Variants in SNX24 observed in about 807,000 individuals in gnomAD.
SNX24 encodes the protein sorting nexin 24.
SNX24 carries 22 observed loss-of-function variants against 28.7 expected under a neutral mutation model. The ratio of observed to expected loss-of-function variants is 0.77; its 90% CI spans 0.55 to 1.10. The LOEUF (loss-of-function observed/expected upper bound fraction) is 1.10. SNX24 is among the 50% of genes least tolerant of loss of function. SNX24 has a pLI of 0.00. For missense variants in SNX24, 221 were observed against 201.1 expected (o/e 1.10, Z -0.60); for synonymous variants, 69 against 71.5 (o/e 0.96, Z 0.18).
chr5:123,005,798 T>A (rs1762403146), intron 6 of SNX24, among the ~76,000 whole-genome samples: 1 of 152,202 alleles, frequency 6.6e-6, no homozygotes, highest in Non-Finnish European at 1.5e-5. Context: ...TTAGCTAAAT[T>A]ATTGTTTTTT....
rs145075558 is a variant in SNX24 at position 122,854,211 on chromosome 5, A to G, written c.60+8518A>G. Among the ~76,000 whole-genome samples, 916 of 152,290 alleles carry G rather than the reference A, an allele frequency of 6.0e-3. 12 individuals carry two copies. The highest frequency in any genetic ancestry group is 0.021 in the African/African-American group (865 of 41,564). On this transcript the variant is annotated intron_variant, in intron 1 of 6. Transcript: ENST00000261369. Reference sequence around the variant, plus strand: ...TTATGGGATCAAAAGATGCATATAAAAATAATCATAGTGTAGGCCGGGTGC... The same window carrying G: ...TTATGGGATCAAAAGATGCATATAAGAATAATCATAGTGTAGGCCGGGTGC...
intron 5 of SNX24, chr5:123,029,216 A>G (rs755005724): frequency 6.2e-7 from 1 of 1,604,658 alleles, no homozygotes; most frequent in South Asian, 1.1e-5. Context: ...CTGACATACT[A>G]ATTTAATACT....
At chr5:122,964,435 T>C (rs1490910812) in intron 3 of SNX24, among the ~76,000 whole-genome samples, 6 of 152,002 alleles carry the variant, frequency 3.9e-5, no homozygotes, top group Non-Finnish European at 5.9e-5. Flanking sequence ...AGCTCCTAAC[T>C]AATAAATATT....
intron 3 of SNX24, among the ~76,000 whole-genome samples, chr5:122,949,991 A>C (rs762320133): frequency 6.6e-6 from 1 of 152,200 alleles, no homozygotes; most frequent in Non-Finnish European, 1.5e-5. Context: ...TGTTTATTGA[A>C]TAAGAAATCA....
At chr5:122,855,523 G>A (rs1483729209) in intron 1 of SNX24, among the ~76,000 whole-genome samples, 1 of 152,186 alleles carries the variant, frequency 6.6e-6, no homozygotes, top group Non-Finnish European at 1.5e-5. Flanking sequence ...GCTCTAACTT[G>A]TAATCCTAGC....
chr5:123,000,426 A>G (rs1247595200), intron 4 of SNX24, among the ~76,000 whole-genome samples: 1 of 152,230 alleles, frequency 6.6e-6, no homozygotes, highest in Non-Finnish European at 1.5e-5. Flanking sequence ...AACTCCTCTC[A>G]TTTTGTAGTT....
chr5:122,985,517 G>C (rs140962857), intron 3 of SNX24, among the ~76,000 whole-genome samples: 1 of 152,178 alleles, frequency 6.6e-6, no homozygotes, highest in Non-Finnish European at 1.5e-5. Context: ...CTACCTCAAA[G>C]GTAGTTGAGA....
At chr5:122,890,472 T>A (rs1756921376) in intron 1 of SNX24, among the ~76,000 whole-genome samples, 1 of 9,378 alleles carries the variant, frequency 1.1e-4, no homozygotes, top group Non-Finnish European at 1.4e-4. Context: ...TTAGAGGGGA[T>A]TTTTTTTTTT....
At chr5:122,921,603 A>G (rs1336916883) in intron 1 of SNX24, among the ~76,000 whole-genome samples, 1 of 144,348 alleles carries the variant, frequency 6.9e-6, no homozygotes, top group African/African-American at 2.6e-5. Flanking sequence ...TTGAAAGTCT[A>G]ATACATGAAA....
chr5:122,941,695 A>G (rs1057172666), intron 2 of SNX24, among the ~76,000 whole-genome samples: 1 of 152,198 alleles, frequency 6.6e-6, no homozygotes, highest in Non-Finnish European at 1.5e-5. Context: ...TAGAGTGTCT[A>G]GTAGAGTCTT....
intron 1 of SNX24, among the ~76,000 whole-genome samples, chr5:122,880,589 G>A (rs1441130895): frequency 6.6e-6 from 1 of 152,090 alleles, no homozygotes; most frequent in Non-Finnish European, 1.5e-5. Flanking sequence ...AGTGGAAAAT[G>A]GACCTGATAA....
chr5:123,007,761 G>T lies in SNX24; in HGVS notation c.*12G>T. 2.5e-6 allele frequency: 4 copies of T among 1,591,076 alleles called. No homozygotes were observed. Among genetic ancestry groups the T allele is most frequent in the Non-Finnish European group, 3.4e-6 (4 of 1,174,148 alleles). ...TACAGCCCAGGTAGAAATCCTACAT[G>T]GCTAAAAGAAGCAGAAGCAAGTTTC... is the stretch of plus-strand genomic sequence containing the variant. On this transcript the variant is annotated 3_prime_UTR_variant, in exon 7 of 7. Coordinates refer to ENST00000261369, the MANE Select transcript of SNX24 (RefSeq NM_014035.4).
intron 1 of SNX24, among the ~76,000 whole-genome samples, chr5:122,854,895 A>G (rs1275085555): frequency 6.6e-6 from 1 of 152,220 alleles, no homozygotes; most frequent in Non-Finnish European, 1.5e-5. Context: ...AGTGTGCAGT[A>G]GCATTATGTC....
chr5:122,914,765 C>A (rs1055779061), intron 1 of SNX24, among the ~76,000 whole-genome samples: 4 of 151,926 alleles, frequency 2.6e-5, no homozygotes, highest in Non-Finnish European at 4.4e-5. Flanking sequence ...TTTTTTATTG[C>A]ATCTATTTGA....
At chr5:122,889,624 C>T (rs200246167) in intron 1 of SNX24, among the ~76,000 whole-genome samples, 18 of 56,204 alleles carry the variant, frequency 3.2e-4, no homozygotes, top group African/African-American at 7.6e-4. Flanking sequence ...TATATATATA[C>T]ACATATATAT....
At chr5:122,869,348 G>A (rs937958410) in intron 1 of SNX24, among the ~76,000 whole-genome samples, 1 of 152,120 alleles carries the variant, frequency 6.6e-6, no homozygotes, top group Non-Finnish European at 1.5e-5. Context: ...GCTTCCTTTT[G>A]TCAATAACAG....
intron 1 of SNX24, among the ~76,000 whole-genome samples, chr5:122,847,223 A>G (rs1208157465): frequency 1.3e-5 from 2 of 152,232 alleles, no homozygotes; most frequent in African/African-American, 4.8e-5. Context: ...GAAATAGACC[A>G]TAATTAAGGC....
chr5:122,876,955 G>A (rs1756251339), intron 1 of SNX24, among the ~76,000 whole-genome samples: 1 of 152,218 alleles, frequency 6.6e-6, no homozygotes, highest in Admixed American at 6.5e-5. Flanking sequence ...CAGGAGGTCA[G>A]TGGTGGTTAG....
intron 3 of SNX24, among the ~76,000 whole-genome samples, chr5:122,961,743 C>G (rs1281630544): frequency 1.3e-5 from 2 of 152,028 alleles, no homozygotes; most frequent in Admixed American, 6.5e-5. Context: ...AACTTAAATC[C>G]ATCATTGCTA....
Sources: allele counts gnomAD v4.1 joint callset (sites outside exome capture counted in the v4.1 genomes callset), GRCh38; gene constraint gnomAD v4.1.1; transcripts MANE v1.5; gene names NCBI Gene and HGNC (gene_info 2026-07-23, HGNC 2026-07-21).